Variants in ATP13A1 observed in about 807,000 individuals in gnomAD.
ATP13A1 encodes ATPase 13A1.
ATP13A1 carries 55 observed loss-of-function variants against 134.8 expected under a neutral mutation model. The ratio of observed to expected loss-of-function variants is 0.41; its 90% CI spans 0.33 to 0.51. The LOEUF (loss-of-function observed/expected upper bound fraction) is 0.51, where lower values mean the gene tolerates loss of function less well. Ranked by LOEUF, ATP13A1 falls within the 20% of genes least tolerant of loss-of-function variation. ATP13A1 has a pLI of 0.29. For synonymous variants in ATP13A1, 775 were observed against 725.1 expected (o/e 1.07, Z -1.10); for missense variants, 1,389 against 1,652.8 (o/e 0.84, Z 2.77).
At chr19:19,658,029 G>C (rs1331935009) in intron 3 of ATP13A1, among the ~76,000 whole-genome samples, 2 of 151,078 alleles carry the variant, frequency 1.3e-5, no homozygotes, top group Non-Finnish European at 2.9e-5. Flanking sequence ...TGTGCCTGTG[G>C]TCCCAGCTAT....
At position 19,647,705 on chromosome 19, in the gene ATP13A1, GGCC is replaced by G. The variant is rs756834218; in HGVS notation, c.2684_2686del (p.Arg895del). The G allele has an allele frequency of 1.1e-5, 18 of 1,610,118 alleles. No individual in the cohort carries two copies. The African/African-American group carries it at 2.4e-4, about 22-fold the overall frequency. On this transcript the variant is annotated inframe_deletion, in exon 20 of 26. Coordinates refer to ENST00000357324, the MANE Select transcript of ATP13A1 (RefSeq NM_020410.3). The surrounding 1 kb of genome is among the most constrained non-coding windows in gnomAD (Gnocchi z 4.8). The stretch of plus-strand genomic sequence containing the variant: ...GTTGCTCAGGGTTGGGCTGTCCCGG[GGCC>G]GCCGTCGCCGCTCGACAACCCGCTC...
rs200481862 is a variant in ATP13A1, at chr19:19,659,981, C to T, written c.403G>A (p.Asp135Asn). 1,457 of 1,568,462 alleles carry T rather than the reference C, an allele frequency of 9.3e-4. 4 individuals carry two copies. Among genetic ancestry groups the T allele is most frequent in the Non-Finnish European group, 1.2e-3 (1,355 of 1,158,106 alleles). ...TTCACAAAGGTCGCTTTGCTGGGGT[C>T]GTACTCCTGACAGAGACAAAGAAAG... ...HCALTCTPEY[D>N]PSKATFVKVV... The change falls in exon 2 of 26, where the codon GAC becomes AAC. Residue 135 changes from aspartate (D) to asparagine (N), a missense_variant. Asp to Asn is a conservative substitution (Grantham distance 23). Coordinates refer to ENST00000357324, the MANE Select transcript of ATP13A1 (RefSeq NM_020410.3).
In ATP13A1 at chr19:19,647,454, G is replaced by A. The variant is rs574570998; in HGVS notation, c.2868C>T (p.Ile956=). 4.3e-5 allele frequency: 70 copies of A among 1,613,394 alleles called. No individual in the cohort carries two copies. The highest frequency in any genetic ancestry group is 1.6e-4 in the Middle Eastern group (1 of 6,084). ...TPIVKLGDAS[I]AAPFTSKLSS... ...AGAGCTTGGAGGTGAAGGGTGCTGCGATGCTGGCATCCCCCAGTTTCACAA... is the reference window on the plus strand; with the variant it reads ...AGAGCTTGGAGGTGAAGGGTGCTGCAATGCTGGCATCCCCCAGTTTCACAA... Residue 956 remains isoleucine (I), a synonymous_variant, in exon 21 of 26, where the codon ATC becomes ATT. Transcript: ENST00000357324. The surrounding 1 kb of genome is among the most constrained non-coding windows in gnomAD (Gnocchi z 4.8).
intron 12 of ATP13A1, 79 bp from the exon 13 acceptor site, chr19:19,654,779 C>T: frequency 6.7e-7 from 1 of 1,485,678 alleles, no homozygotes. Context: ...GAAGGACCCC[C>T]AAGGCCATTC....
intron 1 of ATP13A1, among the ~76,000 whole-genome samples, chr19:19,661,883 G>A (rs913173006): frequency 3.9e-5 from 6 of 152,210 alleles, no homozygotes; most frequent in Non-Finnish European, 5.9e-5. Flanking sequence ...CAAACGTGAC[G>A]TCACGGAAGA....
In ATP13A1 at chr19:19,654,127, G is replaced by T. The variant is rs769887029; in HGVS notation, c.1831C>A (p.Arg611=). Reference sequence around the variant, plus strand: ...TTCAGCCCCTGAGTTTTAATACTTCGGGGGAATACTTTCTCATCTGGAAAC... The same window carrying T: ...TTCAGCCCCTGAGTTTTAATACTTCTGGGGAATACTTTCTCATCTGGAAAC... ...TLTKDEKVFP[R]SIKTQGLKIH... The change falls in exon 14 of 26, where the codon CGA becomes AGA. Residue 611 remains arginine, a synonymous_variant. Transcript: ENST00000357324. The T allele has an allele frequency of 3.1e-6, 5 of 1,588,470 alleles. No homozygotes were observed. In the East Asian group the frequency reaches 9.1e-5, roughly 29 times the overall value.
rs1568429244 is a variant in ATP13A1, at chr19:19,656,785, AG to A, written c.977-20del. 6.2e-7 allele frequency: 1 copy of A among 1,612,876 alleles called. No homozygotes were observed. ...GAGCGGCCTGCAGGGCAGAGGCAGG[AG>A]GGTTGGCCAGAGGCCCTGAGGCTGG... On this transcript the variant is annotated intron_variant, in intron 6 of 25. Transcript: ENST00000357324. This position sits in a 1 kb window ranked among gnomAD's most constrained non-coding sequence, Gnocchi z 4.6.
At chr19:19,654,440 G>A (rs756817886) in intron 13 of ATP13A1, 103 bp downstream of exon 13, 100 of 1,389,222 alleles carry the variant, frequency 7.2e-5, no homozygotes, top group Non-Finnish European at 9.2e-5. Flanking sequence ...CAGAGCTGTA[G>A]GCCTGCCTGT....
chr19:19,650,353 G>A (rs561897611), intron 17 of ATP13A1: 7 of 190,518 alleles, frequency 3.7e-5, no homozygotes, highest in African/African-American at 1.4e-4. Context: ...CTGTTTTCTC[G>A]GGGCTGGGCC....
chr19:19,658,278 G>C (rs571464003), intron 3 of ATP13A1, among the ~76,000 whole-genome samples: 1 of 151,674 alleles, frequency 6.6e-6, no homozygotes, highest in Non-Finnish European at 1.5e-5. Flanking sequence ...GGTCATTCTC[G>C]CTCTGCCCTT....
chr19:19,657,218 G>C, intron 4 of ATP13A1, 69 bp from the exon 5 acceptor site: 7 of 1,484,092 alleles, frequency 4.7e-6, no homozygotes, highest in Admixed American at 2.4e-5. Flanking sequence ...CCACCCACCG[G>C]ATCTGATATG....
At chr19:19,652,363 C>T (rs1268382387) in intron 16 of ATP13A1, among the ~76,000 whole-genome samples, 1 of 152,180 alleles carries the variant, frequency 6.6e-6, no homozygotes, top group Non-Finnish European at 1.5e-5. Flanking sequence ...CCCCCATCTT[C>T]CCATGATGCG....
In ATP13A1 at chr19:19,645,668, G is replaced by A. The variant is rs1365785371; in HGVS notation, c.3483C>T (p.Gly1161=). The change falls in exon 25 of 26, where the codon GGC becomes GGT. Residue 1161 remains glycine (G), a synonymous_variant. Transcript: ENST00000357324. The surrounding 1 kb of genome is among the most constrained non-coding windows in gnomAD (Gnocchi z 4.1). ...GSSPDFNSQF[G]LVDIPVEFKL... is the part of the protein sequence containing the mutation. ...TGACCTCCACAGGGATGTCCACGAG[G>A]CCAAACTGGCTGTTGAAGTCGGGCG... The A allele has an allele frequency of 5.7e-6, 9 of 1,573,306 alleles. No homozygotes were observed. The highest frequency in any genetic ancestry group is 4.1e-5 in the African/African-American group (3 of 74,028).
At chr19:19,662,252 G>A in intron 1 of ATP13A1, 1 of 1,478,240 alleles carries the variant, frequency 6.8e-7, no homozygotes, top group South Asian at 1.4e-5. Flanking sequence ...CTACCTCAAA[G>A]CTACCACGTT....
chr19:19,662,135 G>T (rs761290250), intron 1 of ATP13A1: 2 of 1,559,734 alleles, frequency 1.3e-6, no homozygotes, highest in South Asian at 2.4e-5. Context: ...AGGAAGTTAA[G>T]AGCTAAGCTG....
At position 19,655,015 on chromosome 19, in the gene ATP13A1, G is replaced by A. The variant is rs2062048240; in HGVS notation, c.1655+104C>T. ...GAAATGAACCCGAGGCAGGGCCTCT[G>A]ACGGGCCCTCACTGCAAGGGCTTGG... On this transcript the variant is annotated intron_variant, in intron 12 of 25. Coordinates refer to ENST00000357324, the MANE Select transcript of ATP13A1 (RefSeq NM_020410.3). This position sits in a 1 kb window ranked among gnomAD's most constrained non-coding sequence, Gnocchi z 5.7. 3.3e-6 allele frequency: 5 copies of A among 1,498,676 alleles called. No homozygotes were observed. Among genetic ancestry groups the A allele is most frequent in the Non-Finnish European group, 4.5e-6 (5 of 1,118,024 alleles). 92.8% of individuals were successfully genotyped at this position (1,498,676 alleles called of 1,614,324 possible).
Position 19,647,231 on chromosome 19 carries a change from G to T in ATP13A1, c.3003C>A (p.Ser1001Arg). Residue 1001 changes from serine (S) to arginine (R), a missense_variant, in exon 22 of 26, where the codon AGC (serine) becomes AGA (arginine). Physicochemically the swap from Ser to Arg is moderately radical, Grantham distance 110 (BLOSUM62 -1). Around this residue, in one of 4 missense-constraint regions of ATP13A1, gnomAD observed 228 missense variants for 321.0 expected, o/e 0.71. Coordinates refer to ENST00000357324, the MANE Select transcript of ATP13A1 (RefSeq NM_020410.3). The surrounding 1 kb of genome is among the most constrained non-coding windows in gnomAD (Gnocchi z 4.8). ...LALNALILAY[S>R]QSVLYLEGVK... ...CTCCCTCCAGGTAGAGGACGCTCTG[G>T]CTGTAGGCCAGGATGAGGGCATTGA... 6.2e-7 allele frequency: 1 copy of T among 1,613,942 alleles called. No homozygotes were observed. Among genetic ancestry groups the T allele is most frequent in the Non-Finnish European group, 8.5e-7 (1 of 1,179,884 alleles).
At chr19:19,651,434 A>G (rs2062023718) in intron 17 of ATP13A1, 2 of 382,842 alleles carry the variant, frequency 5.2e-6, no homozygotes, top group African/African-American at 2.1e-5. Context: ...TGCACAGGAA[A>G]CCCGAGCTGG....
intron 1 of ATP13A1, among the ~76,000 whole-genome samples, chr19:19,660,928 A>C (rs965048453): frequency 4.0e-5 from 6 of 151,294 alleles, no homozygotes; most frequent in African/African-American, 1.2e-4. Context: ...AAAATATAAA[A>C]ATTAGCTGGG....
Sources: allele counts gnomAD v4.1 joint callset (sites outside exome capture counted in the v4.1 genomes callset), GRCh38; gene constraint gnomAD v4.1.1; regional missense constraint gnomAD v4.1.1; non-coding constraint Gnocchi (gnomAD v3.1); transcripts MANE v1.5; gene names NCBI Gene and HGNC (gene_info 2026-07-23, HGNC 2026-07-21).